Variants in IFI27L1 observed in about 807,000 individuals in gnomAD.
The protein encoded by IFI27L1 is interferon alpha inducible protein 27 like 1.
A neutral mutation model predicts 9.2 loss-of-function variants in IFI27L1; 3 were observed. The observed-to-expected ratio is 0.32, with a 90% confidence interval of 0.15 to 0.84. The LOEUF is 0.84. Among genes scored for constraint, IFI27L1 ranks in the 40% least tolerant of loss-of-function variants. IFI27L1 has a pLI of 0.56. For missense variants in IFI27L1, 133 were observed against 134.2 expected (o/e 0.99, Z 0.05); for synonymous variants, 53 against 50.0 (o/e 1.06, Z -0.26).
At chr14:94,098,816 G>A (rs577364598) in intron 2 of IFI27L1, among the ~76,000 whole-genome samples, 1 of 152,316 alleles carries the variant, frequency 6.6e-6, no homozygotes, top group Non-Finnish European at 1.5e-5. Flanking sequence ...ATTCACTCAT[G>A]TTCTCATGCT....
At chr14:94,096,742 C>T (rs555430111) in intron 1 of IFI27L1, 145 bp from the exon 2 acceptor site, 8 of 457,934 alleles carry the variant, frequency 1.7e-5, no homozygotes, top group Non-Finnish European at 3.2e-5. Flanking sequence ...AGGGTAGTTA[C>T]TCAAAAGTGG....
At chr14:94,097,715 G>C in intron 2 of IFI27L1, 1 of 702,144 alleles carries the variant, frequency 1.4e-6, no homozygotes, top group Non-Finnish European at 2.6e-6. Flanking sequence ...CTGTGAAGGA[G>C]AGAAACCATG....
chr14:94,102,701 G>A lies in IFI27L1; in HGVS notation c.*133G>A. 1.9e-6 allele frequency: 1 copy of A among 515,426 alleles called. No individual in the cohort carries two copies. Among genetic ancestry groups the A allele is most frequent in the South Asian group, 3.3e-5 (1 of 29,984 alleles). 31.9% of individuals were successfully genotyped at this position (515,426 alleles called of 1,614,324 possible). ...GGAAGCATGAAAAATAAAGATGCTGGTTATCTTCTCCTAGTGTCGGTTCTC... is the reference window on the plus strand; with the variant it reads ...GGAAGCATGAAAAATAAAGATGCTGATTATCTTCTCCTAGTGTCGGTTCTC... On this transcript the variant is annotated 3_prime_UTR_variant, in exon 5 of 5. Transcript: ENST00000555523.
In IFI27L1 at chr14:94,100,955, A is replaced by G. The variant is rs143789009; in HGVS notation, c.61+184A>G. ...AGCAAAGCAAAGCCATTAAAGGCAC[A>G]GGGCTTTGGAGGCAGCCAGAGCTGG... is the stretch of plus-strand genomic sequence containing the variant. On this transcript the variant is annotated intron_variant, in intron 3 of 4. Coordinates refer to ENST00000555523, the MANE Select transcript of IFI27L1 (RefSeq NM_206949.3). 6.3e-3 allele frequency: 4,217 copies of G among 665,590 alleles called. 19 individuals carry two copies. Among genetic ancestry groups the G allele is most frequent in the Non-Finnish European group, 8.8e-3 (3,339 of 378,592 alleles). The allele number at this position is 665,590 out of a possible 1,614,324, so 41.2% of individuals were successfully genotyped here.
intron 1 of IFI27L1, among the ~76,000 whole-genome samples, chr14:94,095,663 G>T (rs59775050): frequency 0.026 from 3,950 of 152,140 alleles, 167 homozygotes; most frequent in African/African-American, 0.091. Flanking sequence ...AGAGGAGGAG[G>T]TACCAGCCTC....
At chr14:94,084,561 T>G (rs1210029791) in intron 1 of IFI27L1, among the ~76,000 whole-genome samples, 1 of 152,170 alleles carries the variant, frequency 6.6e-6, no homozygotes, top group Non-Finnish European at 1.5e-5. Context: ...TCCAAAGGAC[T>G]GAGCCCTGAA....
rs138791669 is a variant in IFI27L1, at chr14:94,101,853, T to C, written c.101T>C (p.Met34Thr). 13 of 1,614,114 alleles carry C rather than the reference T, an allele frequency of 8.1e-6. No individual in the cohort carries two copies. Among genetic ancestry groups the C allele is most frequent in the Non-Finnish European group, 1.1e-5 (13 of 1,180,038 alleles). Residue 34 changes from methionine (M) to threonine (T), a missense_variant, in exon 4 of 5, where the codon ATG becomes ACG. Met to Thr is a moderately conservative substitution (Grantham distance 81). Coordinates refer to ENST00000555523, the MANE Select transcript of IFI27L1 (RefSeq NM_206949.3). ...VGTVLVALSA[M>T]GFTSVGIAAS... ...ACTGTGCTCGTGGCGCTCAGTGCCA[T>C]GGGCTTCACCTCAGTAGGAATCGCC...
At chr14:94,087,339 G>A (rs1192855116) in intron 1 of IFI27L1, among the ~76,000 whole-genome samples, 2 of 152,158 alleles carry the variant, frequency 1.3e-5, no homozygotes, top group African/African-American at 2.4e-5. Flanking sequence ...TTGTTCTCAG[G>A]CATACAAAAG....
At chr14:94,087,672 C>T (rs529844312) in intron 1 of IFI27L1, among the ~76,000 whole-genome samples, 5 of 151,920 alleles carry the variant, frequency 3.3e-5, no homozygotes, top group South Asian at 2.1e-4. Flanking sequence ...GTGATCTGCC[C>T]GCCTCGGCCT....
At chr14:94,094,530 A>G (rs1470177465) in intron 1 of IFI27L1, among the ~76,000 whole-genome samples, 3 of 152,162 alleles carry the variant, frequency 2.0e-5, no homozygotes. Context: ...CTTTGCTGAT[A>G]AAGCAGCATG....
chr14:94,087,350 C>T (rs1037890022), intron 1 of IFI27L1, among the ~76,000 whole-genome samples: 2 of 152,150 alleles, frequency 1.3e-5, no homozygotes, highest in African/African-American at 2.4e-5. Context: ...CATACAAAAG[C>T]GTGAAAACCC....
rs7160229 is a variant in IFI27L1, at chr14:94,101,075, G to T, written c.61+304G>T. On this transcript the variant is annotated intron_variant, in intron 3 of 4. Transcript: ENST00000555523. ...GGGATTCCTCCCCGTCTAAAGCAGG[G>T]CCCATGGTATCCTTGGGGACTTTTG... 6.4e-3 allele frequency: 3,646 copies of T among 566,542 alleles called. 102 individuals are homozygous for T. The highest frequency in any genetic ancestry group is 0.059 in the African/African-American group (3,182 of 53,580). 35.1% of individuals were successfully genotyped at this position (566,542 alleles called of 1,614,324 possible).
At chr14:94,092,107 CAG>C (rs1424593400) in intron 1 of IFI27L1, among the ~76,000 whole-genome samples, 1 of 147,808 alleles carries the variant, frequency 6.8e-6, no homozygotes, top group East Asian at 2.0e-4. Flanking sequence ...GCCTGGGTGA[CAG>C]AGTGAGACTG....
At chr14:94,082,319 G>A (rs1399419256) in intron 1 of IFI27L1, among the ~76,000 whole-genome samples, 2 of 151,716 alleles carry the variant, frequency 1.3e-5, no homozygotes, top group African/African-American at 2.4e-5. Context: ...TATTTCATGA[G>A]GTTTAAGGAA....
At chr14:94,102,006 A>G (rs1303910554) in intron 4 of IFI27L1, 31 bp downstream of exon 4, 2 of 1,613,572 alleles carry the variant, frequency 1.2e-6, no homozygotes, top group Admixed American at 3.3e-5. Flanking sequence ...GACCAGAGCC[A>G]GGAGATGATC....
In IFI27L1 at chr14:94,097,467, A is replaced by G. The variant is rs543212419; in HGVS notation, c.28+502A>G. The stretch of plus-strand genomic sequence containing the variant: ...GTTAGGATTTGGCATAAGCGACTCC[A>G]TTTTAATTCTGACAACTTTCATAGC... On this transcript the variant is annotated intron_variant, in intron 2 of 4. Coordinates refer to ENST00000555523, the MANE Select transcript of IFI27L1 (RefSeq NM_206949.3). 79 of 598,444 alleles carry G rather than the reference A, an allele frequency of 1.3e-4. No individual in the cohort carries two copies. In the East Asian group the frequency reaches 2.0e-3, roughly 15 times the overall value. 37.1% of individuals were successfully genotyped at this position (598,444 alleles called of 1,614,324 possible).
At chr14:94,087,137 A>G (rs1886307996) in intron 1 of IFI27L1, among the ~76,000 whole-genome samples, 1 of 152,240 alleles carries the variant, frequency 6.6e-6, no homozygotes, top group South Asian at 2.1e-4. Flanking sequence ...GCCTTAATCA[A>G]TTACTCTTAG....
intron 2 of IFI27L1, chr14:94,097,689 A>G (rs2896258): frequency 0.58 from 410,007 of 701,374 alleles, 125,646 homozygotes; most frequent in East Asian, 0.92. Context: ...GTGAATAAGC[A>G]TTCACGGATA....
chr14:94,095,814 A>G (rs1413194248), intron 1 of IFI27L1, among the ~76,000 whole-genome samples: 1 of 152,238 alleles, frequency 6.6e-6, no homozygotes, highest in South Asian at 2.1e-4. Flanking sequence ...ATTGAAGATC[A>G]CATTTCAATA....
Sources: gnomAD v4.1 joint callset for allele counts (sites outside exome capture counted in the v4.1 genomes callset) on GRCh38, gnomAD v4.1.1 for gene constraint, MANE v1.5 for transcripts, NCBI Gene and HGNC (gene_info 2026-07-23, HGNC 2026-07-21) for gene names.